Variants in MOK observed in about 807,000 individuals in gnomAD.
The protein encoded by MOK is MAPK/MAK/MRK overlapping kinase.
In MOK, 59 loss-of-function variants were observed where a neutral mutation model predicts 54.2. The ratio of observed to expected loss-of-function variants is 1.09; its 90% confidence interval spans 0.88 to 1.35. The LOEUF is 1.35. Among genes scored for constraint, MOK ranks in the 40% most tolerant of loss-of-function variants. The pLI, the probability that MOK is intolerant of heterozygous loss-of-function variation, is 0.00. For synonymous variants in MOK, 210 were observed against 202.7 expected (o/e 1.04, Z -0.31); for missense variants, 517 against 526.2 (o/e 0.98, Z 0.17).
intron 4 of MOK, among the ~76,000 whole-genome samples, chr14:102,262,740 T>C (rs1441674951): frequency 6.6e-6 from 1 of 152,240 alleles, no homozygotes; most frequent in African/African-American, 2.4e-5. Flanking sequence ...ATACACCATC[T>C]AAATCATCTA....
At chr14:102,290,270 T>C (rs920391675) in intron 1 of MOK, among the ~76,000 whole-genome samples, 1 of 151,486 alleles carries the variant, frequency 6.6e-6, no homozygotes. Flanking sequence ...AAAAACCCCA[T>C]CTCTACTAAA....
rs757115626 is a variant in MOK at position 102,232,612 on chromosome 14, G to A, written c.789C>T (p.His263=). The A allele has an allele frequency of 1.2e-5, 19 of 1,614,028 alleles. No homozygotes were observed. Among genetic ancestry groups the A allele is most frequent in the Middle Eastern group, 3.3e-4 (2 of 6,078 alleles). The change falls in exon 9 of 12, where the codon CAC becomes CAT. Residue 263 remains histidine, a synonymous_variant. Transcript: ENST00000361847. The surrounding 1 kb of genome is among the most constrained non-coding windows in gnomAD (Gnocchi z 5.1). ...CATCGGGATCATAGGCCACCATTGC[G>A]TGCAGGAGGGAGAGGCATTGTGGGG... is the stretch of plus-strand genomic sequence containing the variant. ...NLSPQCLSLL[H]AMVAYDPDER...
the MOK span, chr14:102,215,013 AATTTTCAGTAGTC>A: frequency 2.0e-6 from 2 of 980,594 alleles, no homozygotes; most frequent in East Asian, 2.3e-4. Context: ...AAATGTAGAT[AATTTTCAGTAGTC>A]ATTTTCACAT....
chr14:102,229,686 A>T, intron 10 of MOK, 29 bp from the exon 11 acceptor site: 1 of 1,552,614 alleles, frequency 6.4e-7, no homozygotes, highest in Non-Finnish European at 8.7e-7. Flanking sequence ...CCAGTTGGAC[A>T]TAAAACGCTT....
At chr14:102,243,514 CA>C (rs2065870549) in intron 7 of MOK, among the ~76,000 whole-genome samples, 1 of 152,230 alleles carries the variant, frequency 6.6e-6, no homozygotes, top group Non-Finnish European at 1.5e-5. Context: ...TAGAGGCCCT[CA>C]AAATCACAAA....
chr14:102,290,270 T>A (rs920391675), intron 1 of MOK, among the ~76,000 whole-genome samples: 8 of 151,486 alleles, frequency 5.3e-5, no homozygotes, highest in Non-Finnish European at 1.0e-4. Context: ...AAAAACCCCA[T>A]CTCTACTAAA....
In MOK at chr14:102,263,558, C is replaced by A; in HGVS notation, c.271G>T (p.Glu91Ter). Reference sequence around the variant, plus strand: ...TTATTCTACGTACCTCGTATTAGCTCATAAATATTCATGTCCATAAGTTCA... The same window carrying A: ...TTATTCTACGTACCTCGTATTAGCTAATAAATATTCATGTCCATAAGTTCA... ...ICELMDMNIY[E>*]LIRGRRYPLS... The change falls in exon 4 of 12, where the codon GAG becomes TAG. Residue 91 changes from glutamate to a stop codon, truncating the protein, a stop_gained. Coordinates refer to ENST00000361847, the MANE Select transcript of MOK (RefSeq NM_014226.3). LOFTEE classifies it high-confidence loss of function. 1 of 1,604,236 alleles carries A rather than the reference C, an allele frequency of 6.2e-7. No individual in the cohort carries two copies. The highest frequency in any genetic ancestry group is 1.1e-5 in the South Asian group (1 of 88,850).
chr14:102,232,119 AG>A lies in MOK; in HGVS notation c.867-299del. 2.7e-6 allele frequency: 1 copy of A among 375,086 alleles called. No homozygotes were observed. Among genetic ancestry groups the A allele is most frequent in the Non-Finnish European group, 4.8e-6 (1 of 208,748 alleles). 23.2% of individuals were successfully genotyped at this position (375,086 alleles called of 1,614,324 possible). ...CAGGAGTGTCCAGAGGTCCGGAATTAGGTGACCTCAGGGCAGACAGGTCTTA... is the reference window on the plus strand; with the variant it reads ...CAGGAGTGTCCAGAGGTCCGGAATTAGTGACCTCAGGGCAGACAGGTCTTA... On this transcript the variant is annotated intron_variant, in intron 9 of 11. Transcript: ENST00000361847. The surrounding 1 kb of genome is among the most constrained non-coding windows in gnomAD (Gnocchi z 5.1).
intron 1 of MOK, among the ~76,000 whole-genome samples, chr14:102,285,961 T>C (rs2070002236): frequency 1.3e-5 from 2 of 152,224 alleles, no homozygotes; most frequent in East Asian, 1.9e-4. Flanking sequence ...TAAACTGGCA[T>C]AGTCTCTTTG....
In MOK at chr14:102,232,573, G is replaced by A. The variant is rs1361957553; in HGVS notation, c.828C>T (p.Ala276=). 3 of 1,613,932 alleles carry A rather than the reference G, an allele frequency of 1.9e-6. No individual in the cohort carries two copies. The highest frequency in any genetic ancestry group is 2.5e-6 in the Non-Finnish European group (3 of 1,179,964). ...AGTAGGGGTGCTGCAGGGCCTGGTG[G>A]GCGGCGATTCTCTCATCGGGATCAT... is the stretch of plus-strand genomic sequence containing the variant. The part of the protein sequence containing the change: ...VAYDPDERIA[A]HQALQHPYFQ... Residue 276 remains alanine (A), a synonymous_variant, in exon 9 of 12, where the codon GCC becomes GCT. Transcript: ENST00000361847. The surrounding 1 kb of genome is among the most constrained non-coding windows in gnomAD (Gnocchi z 5.1).
intron 7 of MOK, among the ~76,000 whole-genome samples, chr14:102,250,233 C>T (rs1452303372): frequency 6.6e-6 from 1 of 152,162 alleles, no homozygotes. Context: ...TGGAGGCCCA[C>T]TGGGAGCAAG....
At chr14:102,224,112 G>A (rs2064152518), downstream of MOK, among the ~76,000 whole-genome samples, 2 of 149,224 alleles carry the variant, frequency 1.3e-5, no homozygotes, top group African/African-American at 5.0e-5. Flanking sequence ...CGCAATCTCG[G>A]CTCACTGCAA....
intron 1 of MOK, among the ~76,000 whole-genome samples, chr14:102,293,830 T>C (rs1332704341): frequency 1.3e-5 from 2 of 152,046 alleles, no homozygotes; most frequent in Non-Finnish European, 2.9e-5. Flanking sequence ...ATTATAATTA[T>C]CTACATTACT....
intron 4 of MOK, among the ~76,000 whole-genome samples, chr14:102,262,399 C>T (rs910383484): frequency 1.3e-5 from 2 of 152,218 alleles, no homozygotes; most frequent in South Asian, 2.1e-4. Context: ...CTGATCCACC[C>T]GCACTGGCGT....
chr14:102,258,246 C>T (rs1247954855), intron 4 of MOK, among the ~76,000 whole-genome samples: 2 of 152,154 alleles, frequency 1.3e-5, no homozygotes, highest in East Asian at 1.9e-4. Flanking sequence ...TTCTTACCCT[C>T]GCCCTACCAG....
chr14:102,258,010 A>C (rs2067110669), intron 4 of MOK, among the ~76,000 whole-genome samples: 1 of 151,842 alleles, frequency 6.6e-6, no homozygotes, highest in African/African-American at 2.4e-5. Flanking sequence ...GTTTAGAACC[A>C]CTTATAGCAA....
intron 3 of MOK, among the ~76,000 whole-genome samples, chr14:102,265,359 C>T (rs2067809128): frequency 6.6e-6 from 1 of 152,156 alleles, no homozygotes; most frequent in East Asian, 1.9e-4. Context: ...TGGCCGGGCA[C>T]AGTGGCTCAT....
At chr14:102,220,505 C>T (rs755663992), downstream of MOK, among the ~76,000 whole-genome samples, 12 of 152,264 alleles carry the variant, frequency 7.9e-5, no homozygotes, top group East Asian at 1.2e-3. The surrounding 1 kb of genome is among the most constrained non-coding windows in gnomAD (Gnocchi z 4.2). Context: ...AGGTGGATCA[C>T]GAGGTCAGGA....
At chr14:102,272,512 C>CA (rs1459465463) in intron 2 of MOK, among the ~76,000 whole-genome samples, 1 of 151,350 alleles carries the variant, frequency 6.6e-6, no homozygotes, top group Non-Finnish European at 1.5e-5. Context: ...AGTACAAATA[C>CA]AAAAATACTT....
Sources: gnomAD v4.1 joint callset for allele counts (sites outside exome capture counted in the v4.1 genomes callset) on GRCh38, gnomAD v4.1.1 for gene constraint, Gnocchi (gnomAD v3.1) non-coding constraint, MANE v1.5 for transcripts, NCBI Gene and HGNC (gene_info 2026-07-23, HGNC 2026-07-21) for gene names.